Variants in TPTE observed in about 807,000 individuals in gnomAD.
TPTE encodes the protein putative tyrosine-protein phosphatase TPTE.
TPTE carries 59 observed loss-of-function variants against 84.1 expected under a neutral mutation model. The ratio of observed to expected loss-of-function variants is 0.70; its 90% CI spans 0.57 to 0.87. The LOEUF is 0.87. TPTE is among the 40% of genes least tolerant of loss of function. The pLI, the probability that TPTE is intolerant of heterozygous loss-of-function variation, is 0.00. For missense variants in TPTE, 382 were observed against 659.6 expected, an observed-to-expected ratio of 0.58 and a Z score of 4.61; for synonymous variants, 130 against 223.5, an observed-to-expected ratio of 0.58 and a Z score of 3.73.
intron 3 of TPTE, among the ~76,000 whole-genome samples, chr21:10,528,905 G>A (rs573397294): frequency 6.6e-6 from 1 of 152,428 alleles, no homozygotes; most frequent in East Asian, 1.9e-4. Flanking sequence ...AGTGTTTTCT[G>A]GCTGGGCATG....
chr21:10,574,314 G>A (rs2075107282), intron 14 of TPTE, among the ~76,000 whole-genome samples: 2 of 152,312 alleles, frequency 1.3e-5, no homozygotes, highest in Admixed American at 6.5e-5. Flanking sequence ...CAGTGTGTTA[G>A]CTCAGTTCTG....
At chr21:10,543,478 T>G in intron 7 of TPTE, 96 bp downstream of exon 7, 1 of 1,599,308 alleles carries the variant, frequency 6.3e-7, no homozygotes, top group Non-Finnish European at 8.6e-7. Flanking sequence ...TCCATCTTCA[T>G]CCATACACAC....
intron 7 of TPTE, among the ~76,000 whole-genome samples, chr21:10,551,804 C>A (rs1286482602): frequency 1.5e-4 from 23 of 152,292 alleles, no homozygotes; most frequent in Non-Finnish European, 3.1e-4. Context: ...AATTTGAAAA[C>A]CTAGAGGAGG....
chr21:10,561,657 CAG>C (rs1466541957), intron 10 of TPTE, among the ~76,000 whole-genome samples: 2 of 152,420 alleles, frequency 1.3e-5, no homozygotes, highest in African/African-American at 4.8e-5. Context: ...TGCCTTTGGA[CAG>C]GGGTGGAAAG....
intron 8 of TPTE, among the ~76,000 whole-genome samples, chr21:10,555,252 G>A (rs1251261592): frequency 7.8e-4 from 118 of 152,192 alleles, no homozygotes; most frequent in African/African-American, 2.6e-3. Flanking sequence ...TCTGTCACCA[G>A]GCTGGAGTGC....
chr21:10,539,967 C>T (rs1266975590), intron 4 of TPTE, among the ~76,000 whole-genome samples: 3 of 152,298 alleles, frequency 2.0e-5, no homozygotes, highest in Admixed American at 6.5e-5. Context: ...CGAGATCATG[C>T]CACTGCACTC....
chr21:10,536,772 G>A (rs2074274442), intron 3 of TPTE, among the ~76,000 whole-genome samples: 1 of 152,310 alleles, frequency 6.6e-6, no homozygotes, highest in African/African-American at 2.4e-5. Context: ...GGGCAAAAAA[G>A]GGAAACTTCT....
intron 3 of TPTE, among the ~76,000 whole-genome samples, chr21:10,537,042 A>T (rs112338374): frequency 0.014 from 2,139 of 151,374 alleles, no homozygotes; most frequent in Non-Finnish European, 0.02. Flanking sequence ...TGTATGGGGC[A>T]GTTTCTTGAC....
intron 1 of TPTE, among the ~76,000 whole-genome samples, chr21:10,524,207 G>C (rs2074039112): frequency 1.3e-5 from 2 of 152,312 alleles, no homozygotes; most frequent in Non-Finnish European, 2.9e-5. Context: ...CCTCTCTGTT[G>C]GCTGTTATCC....
At chr21:10,545,849 A>G (rs1270989774) in intron 7 of TPTE, among the ~76,000 whole-genome samples, 1 of 151,832 alleles carries the variant, frequency 6.6e-6, no homozygotes, top group East Asian at 1.9e-4. Context: ...ATATAGATAT[A>G]TTCTTTAGCA....
At chr21:10,530,403 GTAT>G (rs1284190348) in intron 3 of TPTE, among the ~76,000 whole-genome samples, 2 of 152,302 alleles carry the variant, frequency 1.3e-5, no homozygotes, top group Admixed American at 6.5e-5. Context: ...TGTAAACTAT[GTAT>G]TATTGTTTTG....
Position 10,605,444 on chromosome 21 carries a change from T to TA in TPTE, c.1550dup (p.Asn517LysfsTer4). The TA allele has an allele frequency of 6.2e-7, 1 of 1,614,186 alleles. No homozygotes were observed. The highest frequency in any genetic ancestry group is 8.5e-7 in the Non-Finnish European group (1 of 1,179,990). On this transcript the variant is annotated frameshift_variant, in exon 24 of 24. Coordinates refer to ENST00000618007, the MANE Select transcript of TPTE (RefSeq NM_199261.4). LOFTEE classifies it high-confidence loss of function. Reference sequence around the variant, plus strand: ...TTTATCTACCAAAAAATGAATTGGATAATCTACATAAACAAAAAGCACGGA... The same window carrying TA: ...TTTATCTACCAAAAAATGAATTGGATAAATCTACATAAACAAAAAGCACGGA...
At chr21:10,584,039 G>C (rs1322924009) in intron 17 of TPTE, among the ~76,000 whole-genome samples, 1 of 152,310 alleles carries the variant, frequency 6.6e-6, no homozygotes, top group Non-Finnish European at 1.5e-5. Context: ...AAATTTGTTT[G>C]GAATTGCATT....
chr21:10,575,705 T>C (rs534618634), intron 14 of TPTE, among the ~76,000 whole-genome samples: 17 of 152,398 alleles, frequency 1.1e-4, no homozygotes, highest in Middle Eastern at 3.4e-3. Flanking sequence ...ACTGGTAATA[T>C]CTCCTTCAGA....
At chr21:10,550,765 G>A (rs1279814947) in intron 7 of TPTE, among the ~76,000 whole-genome samples, 1 of 152,308 alleles carries the variant, frequency 6.6e-6, no homozygotes, top group Admixed American at 6.5e-5. Context: ...TAACAAACAT[G>A]TACAGAACAT....
intron 17 of TPTE, among the ~76,000 whole-genome samples, chr21:10,582,608 CT>C (rs1315414861): frequency 6.6e-6 from 1 of 152,300 alleles, no homozygotes; most frequent in African/African-American, 2.4e-5. Flanking sequence ...ATATTTTATA[CT>C]TTTTTATCAT....
At chr21:10,576,869 A>C (rs1175624935) in intron 14 of TPTE, among the ~76,000 whole-genome samples, 161 of 145,220 alleles carry the variant, frequency 1.1e-3, no homozygotes, top group African/African-American at 4.0e-3. Context: ...ATATATATAT[A>C]TATATATAGA....
chr21:10,549,639 G>C (rs538887354), intron 7 of TPTE, among the ~76,000 whole-genome samples: 1 of 152,122 alleles, frequency 6.6e-6, no homozygotes, highest in African/African-American at 2.4e-5. Flanking sequence ...AAATAACACA[G>C]ACAGGCAAAA....
intron 8 of TPTE, among the ~76,000 whole-genome samples, chr21:10,558,584 G>T (rs1407015957): frequency 3.9e-5 from 6 of 152,304 alleles, no homozygotes; most frequent in African/African-American, 1.2e-4. Context: ...AAGGCCAATT[G>T]TCAGTGCCCC....
Sources: gnomAD v4.1 joint callset for allele counts (sites outside exome capture counted in the v4.1 genomes callset) on GRCh38, gnomAD v4.1.1 for gene constraint, MANE v1.5 for transcripts, NCBI Gene and HGNC (gene_info 2026-07-23, HGNC 2026-07-21) for gene names.